The following FER1L6 variants were observed in gnomAD, a reference collection of about 807,000 sequenced individuals.
FER1L6 encodes the protein fer-1-like protein 6.
Under a neutral mutation model 219.2 loss-of-function variants are expected in FER1L6, and 177 were observed. The ratio of observed to expected loss-of-function variants is 0.81; its 90% confidence interval spans 0.71 to 0.91. The LOEUF is 0.91. FER1L6 is among the 40% of genes least tolerant of loss of function. FER1L6 has a pLI of 0.00. For synonymous variants in FER1L6, 768 were observed against 824.3 expected, an observed-to-expected ratio of 0.93 and a Z score of 1.17; for missense variants, 2,153 against 2,259.9, an observed-to-expected ratio of 0.95 and a Z score of 0.96.
At chr8:123,910,271 T>C (rs1206119304) in intron 1 of FER1L6, among the ~76,000 whole-genome samples, 1 of 152,220 alleles carries the variant, frequency 6.6e-6, no homozygotes, top group East Asian at 1.9e-4. Flanking sequence ...GATATTCTCC[T>C]GTAGAGAATT....
At chr8:124,096,193 T>G (rs1822280527) in intron 35 of FER1L6, among the ~76,000 whole-genome samples, 1 of 152,046 alleles carries the variant, frequency 6.6e-6, no homozygotes, top group African/African-American at 2.4e-5. Flanking sequence ...GTGTTTGAAA[T>G]CATCTGGTTA....
chr8:124,063,648 A>G (rs1002177463), intron 25 of FER1L6, among the ~76,000 whole-genome samples: 4 of 152,142 alleles, frequency 2.6e-5, no homozygotes, highest in African/African-American at 9.7e-5. Context: ...CTTTGTGTCT[A>G]TGCCCAGTAT....
intron 1 of FER1L6, among the ~76,000 whole-genome samples, chr8:123,946,543 G>T (rs1032623624): frequency 5.9e-5 from 9 of 152,098 alleles, no homozygotes; most frequent in African/African-American, 2.2e-4. Context: ...TGTGAGCCAC[G>T]GTGCCCGGGC....
chr8:124,022,532 C>A (rs75653956), intron 17 of FER1L6, among the ~76,000 whole-genome samples: 63 of 152,298 alleles, frequency 4.1e-4, no homozygotes, highest in African/African-American at 1.4e-3. Flanking sequence ...ACTTTAAATT[C>A]TAATTTCCTG....
intron 38 of FER1L6, among the ~76,000 whole-genome samples, chr8:124,101,544 A>G (rs1480914991): frequency 2.0e-5 from 3 of 152,228 alleles, no homozygotes; most frequent in African/African-American, 7.2e-5. Context: ...CATATTCTAA[A>G]AGACTTAAGT....
At chr8:124,042,707 T>A (rs972844610) in intron 20 of FER1L6, among the ~76,000 whole-genome samples, 1 of 152,200 alleles carries the variant, frequency 6.6e-6, no homozygotes, top group African/African-American at 2.4e-5. Flanking sequence ...CCTGCAGTCA[T>A]AGCCGAGTGC....
chr8:124,071,546 C>G lies in FER1L6; in HGVS notation c.4007C>G (p.Ser1336Cys), dbSNP rs766938530. The G allele has an allele frequency of 6.2e-7, 1 of 1,614,118 alleles. No homozygotes were observed. ...TACAAAAGCCCCCAGGATTCTAGCT[C>G]TGAGGACAGCGGGCAGCTGAGAATC... is the stretch of plus-strand genomic sequence containing the variant. ...CIYKSPQDSS[S>C]EDSGQLRIQQ... Residue 1336 changes from serine to cysteine, a missense_variant, in exon 31 of 41, where the codon TCT (serine) becomes TGT (cysteine). By Grantham distance (112) the Ser-to-Cys change is moderately radical. Transcript: ENST00000522917.
chr8:123,939,010 CT>C (rs1325801144), intron 1 of FER1L6, among the ~76,000 whole-genome samples: 2 of 152,192 alleles, frequency 1.3e-5, no homozygotes, highest in Non-Finnish European at 2.9e-5. Flanking sequence ...TTTTTGCCTG[CT>C]TTTCAGCAAT....
At chr8:123,998,115 C>G (rs1433174076) in intron 12 of FER1L6, among the ~76,000 whole-genome samples, 1 of 152,054 alleles carries the variant, frequency 6.6e-6, no homozygotes, top group South Asian at 2.1e-4. Context: ...TTATTGTAGT[C>G]TTTGTAGTCT....
chr8:123,914,924 C>CT (rs750444297), intron 1 of FER1L6, among the ~76,000 whole-genome samples: 1 of 152,024 alleles, frequency 6.6e-6, no homozygotes, highest in Non-Finnish European at 1.5e-5. Flanking sequence ...AATGTAGAAG[C>CT]TAATAGGAAT....
At chr8:123,997,788 T>A (rs770711207) in intron 12 of FER1L6, among the ~76,000 whole-genome samples, 1 of 152,220 alleles carries the variant, frequency 6.6e-6, no homozygotes, top group Non-Finnish European at 1.5e-5. Context: ...ATTCTGCTGT[T>A]AAGAGACTCT....
chr8:124,056,598 C>A (rs1355776717), intron 22 of FER1L6, among the ~76,000 whole-genome samples: 1 of 152,214 alleles, frequency 6.6e-6, no homozygotes, highest in African/African-American at 2.4e-5. Flanking sequence ...TAGCTTCAGG[C>A]AGCATCTCTG....
At chr8:124,032,032 T>G (rs1410076221) in intron 18 of FER1L6, among the ~76,000 whole-genome samples, 4 of 152,262 alleles carry the variant, frequency 2.6e-5, no homozygotes, top group Admixed American at 2.6e-4. Flanking sequence ...AGACATTAGC[T>G]GAGTCTTTCG....
chr8:123,958,682 T>G (rs1430759618), intron 2 of FER1L6, among the ~76,000 whole-genome samples: 1 of 145,206 alleles, frequency 6.9e-6, no homozygotes, highest in East Asian at 2.0e-4. Context: ...GCATTGCAAG[T>G]TGAGTAAAGT....
chr8:124,116,776 G>C (rs1309833629), intron 39 of FER1L6, among the ~76,000 whole-genome samples: 1 of 152,200 alleles, frequency 6.6e-6, no homozygotes, highest in African/African-American at 2.4e-5. Context: ...ATACTGCTCA[G>C]CAGAGCTTAA....
At chr8:123,985,242 G>A (rs186864730) in intron 11 of FER1L6, 3 of 152,182 alleles carry the variant, frequency 2.0e-5, no homozygotes, top group Non-Finnish European at 2.9e-5. Flanking sequence ...CAGGTAAAAT[G>A]TGGAGGTTGG....
intron 32 of FER1L6, among the ~76,000 whole-genome samples, chr8:124,077,575 C>T (rs1194475709): frequency 6.6e-6 from 1 of 152,156 alleles, no homozygotes; most frequent in Admixed American, 6.5e-5. Context: ...CCAGTGATGA[C>T]CTTTATCGTC....
rs4483140 is a variant in FER1L6, at chr8:124,060,185, T to C, written c.2880T>C (p.Pro960=). 1,364,232 of 1,613,086 alleles carry C rather than the reference T, an allele frequency of 0.85. 578,278 individuals carry two copies. The highest frequency in any genetic ancestry group is 0.86 in the African/African-American group (64,637 of 75,002). ...LLAVFELLQV[P]PSGLQGLPPV... ...ATACTTGCCTTGTGCGGTAGGTTCC[T>C]CCTTCTGGGCTGCAAGGCCTCCCAC... The change falls in exon 23 of 41, where the codon CCT becomes CCC. Residue 960 remains proline (P), a synonymous_variant. Transcript: ENST00000522917.
rs200648798 is a variant in FER1L6, at chr8:124,094,877, T to C, written c.4553-19T>C. 2.0e-4 allele frequency: 317 copies of C among 1,613,686 alleles called. No individual in the cohort carries two copies. Among genetic ancestry groups the C allele is most frequent in the Admixed American group, 7.0e-4 (42 of 60,012 alleles). ...TTGCAGGAACACACATCTGACAAGT[T>C]TGTCTTTCTTTCCTGCAGATGAGAC... On this transcript the variant is annotated intron_variant, in intron 34 of 40. Coordinates refer to ENST00000522917, the MANE Select transcript of FER1L6 (RefSeq NM_001039112.2).
Sources: allele counts gnomAD v4.1 joint callset (sites outside exome capture counted in the v4.1 genomes callset), GRCh38; gene constraint gnomAD v4.1.1; transcripts MANE v1.5; gene names NCBI Gene and HGNC (gene_info 2026-07-23, HGNC 2026-07-21).